Variants in STK26 observed in about 807,000 individuals in gnomAD.
STK26 encodes the protein serine/threonine-protein kinase 26.
In STK26, 14 loss-of-function variants were observed where a neutral mutation model predicts 34.7. That is an observed-to-expected ratio of 0.40 (90% CI 0.27 to 0.63). The LOEUF is 0.63. Ranked by LOEUF, STK26 falls within the 30% of genes least tolerant of loss-of-function variation. The probability of loss-of-function intolerance (pLI) is 0.38; values close to 1 mark genes in which losing one functional copy is unlikely to be tolerated. For synonymous variants in STK26, 100 were observed against 109.8 expected (o/e 0.91, Z 0.56); for missense variants, 226 against 309.1 (o/e 0.73, Z 2.02).
intron 2 of STK26, among the ~76,000 whole-genome samples, chrX:132,036,768 T>A (rs1376415832): frequency 9.0e-6 from 1 of 111,707 alleles, no homozygotes; most frequent in African/African-American, 3.3e-5. Context: ...GATAAATGGG[T>A]AGATGAATGA....
chrX:132,059,205 G>T (rs935384382), intron 3 of STK26, among the ~76,000 whole-genome samples: 2 of 111,529 alleles, frequency 1.8e-5, no homozygotes, highest in Non-Finnish European at 3.8e-5. Context: ...ACTTATTGTG[G>T]CCCATTGTTC....
At position 132,075,190 on chromosome X, in the gene STK26, A is replaced by G. The variant is rs1244970297; in HGVS notation, c.*1031A>G. ...TTTTCTAGTTCATATGAAAATAACCATAGTACAGGATGATTTCTGTCCACA... is the reference window on the plus strand; with the variant it reads ...TTTTCTAGTTCATATGAAAATAACCGTAGTACAGGATGATTTCTGTCCACA... On this transcript the variant is annotated 3_prime_UTR_variant, in exon 12 of 12. Transcript: ENST00000394334. 8.9e-6 allele frequency: 1 copy of G among 111,908 alleles called. No individual in the cohort carries two copies. The highest frequency in any genetic ancestry group is 3.2e-5 in the African/African-American group (1 of 30,855). The allele number at this position is 111,908 out of a possible 1,213,427, so 9.2% of individuals were successfully genotyped here.
rs981028398 is a variant in STK26, at chrX:132,072,997, C to T, written c.1130C>T (p.Ala377Val). The change falls in exon 11 of 12, where the codon GCG becomes GTG. Residue 377 changes from alanine (A) to valine (V), a missense_variant. Coordinates refer to ENST00000394334, the MANE Select transcript of STK26 (RefSeq NM_016542.4). Reference protein sequence around the residue: ...QDENNASRNQAIEELEKSIAV... With the variant: ...QDENNASRNQVIEELEKSIAV... The stretch of plus-strand genomic sequence containing the variant: ...GAGAATAACGCTAGCAGGAATCAGG[C>T]GATTGAAGAACTCGAGAAAAGTATT... The T allele has an allele frequency of 7.4e-6, 9 of 1,208,940 alleles. No individual in the cohort carries two copies. In the Admixed American group the frequency reaches 1.5e-4, roughly 21 times the overall value.
At chrX:132,058,473 G>A (rs750385032) in intron 3 of STK26, among the ~76,000 whole-genome samples, 2 of 110,688 alleles carry the variant, frequency 1.8e-5, no homozygotes, top group Non-Finnish European at 3.8e-5. Context: ...TTGAAAATTG[G>A]TACTGATATG....
chrX:132,064,504 C>T (rs1927157213), intron 4 of STK26, among the ~76,000 whole-genome samples: 1 of 111,318 alleles, frequency 9.0e-6, no homozygotes, highest in African/African-American at 3.3e-5. Context: ...AGTTTCTTTC[C>T]CTTCCTTAAA....
At chrX:132,042,436 G>A (rs761798151) in intron 2 of STK26, among the ~76,000 whole-genome samples, 1 of 110,800 alleles carries the variant, frequency 9.0e-6, no homozygotes, top group South Asian at 3.8e-4. Flanking sequence ...TAACTGTATC[G>A]TGGTGTACAG....
At chrX:132,072,460 A>G (rs1927446167) in intron 9 of STK26, 99 bp downstream of exon 9, 2 of 682,138 alleles carry the variant, frequency 2.9e-6, no homozygotes, top group Non-Finnish European at 4.5e-6. Flanking sequence ...ATACCCCTAA[A>G]TGCCTGTCTG....
At chrX:132,050,355 A>G (rs975232355) in intron 2 of STK26, among the ~76,000 whole-genome samples, 100 of 112,379 alleles carry the variant, frequency 8.9e-4, no homozygotes, top group African/African-American at 3.0e-3. Flanking sequence ...AAGAATATGT[A>G]TACAAAGTGT....
At chrX:132,038,684 G>A (rs755032480) in intron 2 of STK26, among the ~76,000 whole-genome samples, 1 of 110,971 alleles carries the variant, frequency 9.0e-6, no homozygotes, top group East Asian at 2.8e-4. Context: ...GGGGAGCGGG[G>A]GGCTAAAGAG....
At chrX:132,035,426 A>G (rs1173839524) in intron 2 of STK26, among the ~76,000 whole-genome samples, 1 of 110,599 alleles carries the variant, frequency 9.0e-6, no homozygotes, top group East Asian at 2.8e-4. Flanking sequence ...TAATTTTATT[A>G]TTGTTATATA....
At chrX:132,067,223 G>A (rs761038090) in intron 4 of STK26, among the ~76,000 whole-genome samples, 2 of 111,515 alleles carry the variant, frequency 1.8e-5, no homozygotes, top group African/African-American at 6.5e-5. Context: ...CCTTTATTCA[G>A]CATAAATATG....
At chrX:132,043,009 CTA>C (rs1358576605) in intron 2 of STK26, among the ~76,000 whole-genome samples, 7 of 111,700 alleles carry the variant, frequency 6.3e-5, no homozygotes, top group Non-Finnish European at 3.8e-5. Context: ...AAAGGTAAGT[CTA>C]TGTAAAATTC....
Position 132,054,936 on chromosome X carries a change from G to A in STK26, c.273+75G>A, listed in dbSNP as rs762177696. 9.0e-5 allele frequency: 82 copies of A among 907,608 alleles called. No individual in the cohort carries two copies. In the East Asian group the frequency reaches 1.8e-3, roughly 20 times the overall value. The allele number at this position is 907,608 out of a possible 1,213,427, so 74.8% of individuals were successfully genotyped here. A position where few individuals can be genotyped will look rare whatever the true frequency, so the allele number is the denominator to read the frequency against. ...TTTTTTAATTCTATTTTTTTGAAAG[G>A]CAATGTCTTAAATTAGGATTTGGCA... is the stretch of plus-strand genomic sequence containing the variant. On this transcript the variant is annotated intron_variant, in intron 3 of 11. Coordinates refer to ENST00000394334, the MANE Select transcript of STK26 (RefSeq NM_016542.4).
rs778692873 is a variant in STK26 at position 132,071,910 on chromosome X, G to A, written c.933-358G>A. On this transcript the variant is annotated intron_variant, in intron 8 of 11. Coordinates refer to ENST00000394334, the MANE Select transcript of STK26 (RefSeq NM_016542.4). ...GATAAAAAATATCAGAATAATTTGT[G>A]CCCTATTCTAATGGGTGTTAGCCTT... Among the ~76,000 whole-genome samples, 8 of 111,641 alleles carry A rather than the reference G, an allele frequency of 7.2e-5. No individual in the cohort carries two copies. The East Asian group carries it at 2.3e-3, about 31-fold the overall frequency.
At chrX:132,031,919 T>C (rs2124129558) in intron 2 of STK26, among the ~76,000 whole-genome samples, 1 of 112,072 alleles carries the variant, frequency 8.9e-6, no homozygotes, top group African/African-American at 3.2e-5. Context: ...CAGCCAACTC[T>C]ACCCACGATC....
chrX:132,033,283 C>G (rs780395874), intron 2 of STK26, among the ~76,000 whole-genome samples: 16 of 111,333 alleles, frequency 1.4e-4, no homozygotes, highest in Non-Finnish European at 2.3e-4. Flanking sequence ...TTCTAAACTC[C>G]CTGATCTCAA....
Position 132,068,239 on chromosome X carries a change from T to C in STK26, c.355T>C (p.Phe119Leu), listed in dbSNP as rs1927285566. The change falls in exon 5 of 12, where the codon TTC becomes CTC. Residue 119 changes from phenylalanine to leucine, a missense_variant. Physicochemically the swap from Phe to Leu is conservative, Grantham distance 22 (BLOSUM62 0). This residue lies in a region of STK26 where 100 missense variants were observed against 176.7 expected (regional missense o/e 0.57). Transcript: ENST00000394334. ...GCTTCGAGCTGGTCCATTTGATGAGTTCCAGATTGCTACCATGCTAAAGGA... is the reference window on the plus strand; with the variant it reads ...GCTTCGAGCTGGTCCATTTGATGAGCTCCAGATTGCTACCATGCTAAAGGA... ...DLLRAGPFDEFQIATMLKEIL... is the reference protein window; with the variant it reads ...DLLRAGPFDELQIATMLKEIL... 1 of 1,207,050 alleles carries C rather than the reference T, an allele frequency of 8.3e-7. No homozygotes were observed. Among genetic ancestry groups the C allele is most frequent in the Non-Finnish European group, 1.1e-6 (1 of 893,333 alleles).
At chrX:132,063,052 C>T (rs779580715) in intron 3 of STK26, among the ~76,000 whole-genome samples, 1 of 111,146 alleles carries the variant, frequency 9.0e-6, no homozygotes, top group Admixed American at 9.6e-5. Context: ...GTATAATGAT[C>T]ACATCAGGGT....
rs1175581220 is a variant in STK26 at position 132,074,424 on chromosome X, C to T, written c.*265C>T. Reference sequence around the variant, plus strand: ...GAGACACCGTTTTGCTTTTAAGTATCCCTATTTCTTAAGTTACGAGGATGA... The same window carrying T: ...GAGACACCGTTTTGCTTTTAAGTATTCCTATTTCTTAAGTTACGAGGATGA... On this transcript the variant is annotated 3_prime_UTR_variant, in exon 12 of 12. Transcript: ENST00000394334. 1 of 266,409 alleles carries T rather than the reference C, an allele frequency of 3.8e-6. No individual in the cohort carries two copies. Among genetic ancestry groups the T allele is most frequent in the African/African-American group, 2.8e-5 (1 of 35,514 alleles). 22.0% of individuals were successfully genotyped at this position (266,409 alleles called of 1,213,427 possible).
Sources: gnomAD v4.1 joint callset for allele counts (sites outside exome capture counted in the v4.1 genomes callset) on GRCh38, gnomAD v4.1.1 for gene constraint, gnomAD v4.1.1 regional missense constraint, MANE v1.5 for transcripts, NCBI Gene and HGNC (gene_info 2026-07-23, HGNC 2026-07-21) for gene names.